The following SLC35F3 variants were observed in gnomAD, a reference collection of about 807,000 sequenced individuals.
SLC35F3 encodes the protein solute carrier family 35 member F3.
In SLC35F3, 25 loss-of-function variants were observed where a neutral mutation model predicts 49.9. The ratio of observed to expected loss-of-function variants is 0.50; its 90% CI spans 0.37 to 0.70. SLC35F3 has a LOEUF of 0.70. Ranked by LOEUF, SLC35F3 falls within the 30% of genes least tolerant of loss-of-function variation. The pLI is 0.00. For missense variants in SLC35F3, 525 were observed against 639.8 expected, an observed-to-expected ratio of 0.82 and a Z score of 1.94; for synonymous variants, 275 against 265.4, an observed-to-expected ratio of 1.04 and a Z score of -0.35.
At chr1:234,307,592 A>G (rs1657230414) in intron 3 of SLC35F3, among the ~76,000 whole-genome samples, 1 of 152,196 alleles carries the variant, frequency 6.6e-6, no homozygotes, top group Non-Finnish European at 1.5e-5. Context: ...GCATTTTAAT[A>G]TTAAGTGGCA....
chr1:234,204,865 T>A (rs542244067), intron 2 of SLC35F3, among the ~76,000 whole-genome samples: 1 of 152,382 alleles, frequency 6.6e-6, no homozygotes, highest in South Asian at 2.1e-4. Context: ...AGGAACAGGC[T>A]TTGCCTTAAG....
intron 2 of SLC35F3, among the ~76,000 whole-genome samples, chr1:233,953,441 T>C (rs1408214558): frequency 6.6e-6 from 1 of 152,240 alleles, no homozygotes; most frequent in East Asian, 1.9e-4. Flanking sequence ...AACACATCAG[T>C]AATGATTGTG....
rs1401095819 is a variant in SLC35F3, at chr1:234,025,095, T to A, written c.283+119337T>A. Reference sequence around the variant, plus strand: ...ATTTGATTTTCCACTCCTGGATTAATTCACTTAGGATAATGGCCTCCGGCC... The same window carrying A: ...ATTTGATTTTCCACTCCTGGATTAAATCACTTAGGATAATGGCCTCCGGCC... On this transcript the variant is annotated intron_variant, in intron 2 of 7. Coordinates refer to ENST00000366618, the MANE Select transcript of SLC35F3 (RefSeq NM_173508.4). Among the ~76,000 whole-genome samples the A allele has an allele frequency of 2.0e-5, 3 of 152,378 alleles. No individual in the cohort carries two copies. In the East Asian group the frequency reaches 5.8e-4, roughly 29 times the overall value.
At chr1:233,961,653 A>G (rs1260916319) in intron 2 of SLC35F3, among the ~76,000 whole-genome samples, 1 of 151,812 alleles carries the variant, frequency 6.6e-6, no homozygotes, top group African/African-American at 2.4e-5. Flanking sequence ...ATGGGGTTTC[A>G]CCATGTTGGC....
At position 234,177,201 on chromosome 1, in the gene SLC35F3, A is replaced by G. The variant is rs527679665; in HGVS notation, c.284-54216A>G. On this transcript the variant is annotated intron_variant, in intron 2 of 7. Transcript: ENST00000366618. ...CTTTGCCTGCTGCCATCCATGTAAG[A>G]TGTGACTTGCTCCTCCTTGCCTTCC... Among the ~76,000 whole-genome samples, 5 of 152,228 alleles carry G rather than the reference A, an allele frequency of 3.3e-5. No homozygotes were observed. The South Asian group carries it at 1.0e-3, about 32-fold the overall frequency.
chr1:234,275,807 C>T (rs1204742215), intron 3 of SLC35F3, among the ~76,000 whole-genome samples: 1 of 151,052 alleles, frequency 6.6e-6, no homozygotes, highest in Non-Finnish European at 1.5e-5. Flanking sequence ...GCTGCTGCTG[C>T]TGCTAGCTAA....
At chr1:234,060,101 C>T (rs1402797475) in intron 2 of SLC35F3, among the ~76,000 whole-genome samples, 2 of 152,312 alleles carry the variant, frequency 1.3e-5, no homozygotes, top group East Asian at 1.9e-4. Flanking sequence ...ACAAAACATA[C>T]TTAATGTTAT....
At chr1:234,314,099 G>C (rs1267094818) in intron 4 of SLC35F3, among the ~76,000 whole-genome samples, 2 of 152,190 alleles carry the variant, frequency 1.3e-5, no homozygotes, top group Non-Finnish European at 2.9e-5. Context: ...TCAACACTGT[G>C]CCTTGTGGGC....
At chr1:234,099,807 AGAAT>A (rs1444235728) in intron 2 of SLC35F3, among the ~76,000 whole-genome samples, 1 of 152,154 alleles carries the variant, frequency 6.6e-6, no homozygotes, top group Non-Finnish European at 1.5e-5. Context: ...CTAGTGGAGA[AGAAT>A]GAAAGATTGT....
intron 2 of SLC35F3, among the ~76,000 whole-genome samples, chr1:233,999,615 C>G (rs1159795315): frequency 6.6e-6 from 1 of 152,110 alleles, no homozygotes. Context: ...AGTGCCTCCA[C>G]TTATCCCTTC....
intron 2 of SLC35F3, among the ~76,000 whole-genome samples, chr1:234,208,505 C>T (rs1422826822): frequency 2.6e-5 from 4 of 152,174 alleles, no homozygotes; most frequent in Non-Finnish European, 5.9e-5. Flanking sequence ...TGTCTGCTTT[C>T]TCATTCTAAA....
chr1:233,957,606 G>C lies in SLC35F3; in HGVS notation c.283+51848G>C, dbSNP rs936391486. Among the ~76,000 whole-genome samples the C allele has an allele frequency of 6.6e-6, 1 of 152,092 alleles. No individual in the cohort carries two copies. The highest frequency in any genetic ancestry group is 2.4e-5 in the African/African-American group (1 of 41,404). ...GAGGCAGGTGGATCACCTGAAGTCAGGAGTTCGAGACCAGCCTGGCCAACA... is the reference window on the plus strand; with the variant it reads ...GAGGCAGGTGGATCACCTGAAGTCACGAGTTCGAGACCAGCCTGGCCAACA... On this transcript the variant is annotated intron_variant, in intron 2 of 7. Transcript: ENST00000366618. This position sits in a 1 kb window ranked among gnomAD's most constrained non-coding sequence, Gnocchi z 4.0.
At chr1:234,236,630 C>T in intron 3 of SLC35F3, among the ~76,000 whole-genome samples, 1 of 151,960 alleles carries the variant, frequency 6.6e-6, no homozygotes, top group African/African-American at 2.4e-5. Flanking sequence ...AAAGAGAAGA[C>T]CCAGCAGTTA....
At chr1:233,992,033 G>A (rs1418138455) in intron 2 of SLC35F3, among the ~76,000 whole-genome samples, 2 of 152,228 alleles carry the variant, frequency 1.3e-5, no homozygotes, top group Middle Eastern at 3.4e-3. Context: ...GCGAGTAAAT[G>A]CAGGAATTTG....
chr1:233,980,073 G>A (rs549737248), intron 2 of SLC35F3, among the ~76,000 whole-genome samples: 1 of 152,350 alleles, frequency 6.6e-6, no homozygotes, highest in Admixed American at 6.5e-5. Context: ...CACTATGCGT[G>A]TTGTGTGCCA....
chr1:233,921,843 T>C (rs1445196149), intron 2 of SLC35F3, among the ~76,000 whole-genome samples: 1 of 128,816 alleles, frequency 7.8e-6, no homozygotes, highest in African/African-American at 2.9e-5. Context: ...CCCCACCCAG[T>C]GTACAAGTGT....
chr1:234,145,181 C>T (rs12085211), intron 2 of SLC35F3, among the ~76,000 whole-genome samples: 10,396 of 152,158 alleles, frequency 0.068, 583 homozygotes, highest in African/African-American at 0.14. Context: ...AAGTTTTTAC[C>T]GCACTGTCCC....
intron 2 of SLC35F3, among the ~76,000 whole-genome samples, chr1:234,086,175 T>G (rs1419694136): frequency 6.6e-6 from 1 of 152,212 alleles, no homozygotes; most frequent in African/African-American, 2.4e-5. Context: ...AGGACCTGGA[T>G]GTACCCCTGT....
chr1:234,139,616 A>G (rs1365350287), intron 2 of SLC35F3, among the ~76,000 whole-genome samples: 1 of 152,098 alleles, frequency 6.6e-6, no homozygotes, highest in Non-Finnish European at 1.5e-5. Context: ...GCCCGTGGTC[A>G]AGTGCGGTCA....
Sources: allele counts gnomAD v4.1 joint callset (sites outside exome capture counted in the v4.1 genomes callset), GRCh38; gene constraint gnomAD v4.1.1; non-coding constraint Gnocchi (gnomAD v3.1); transcripts MANE v1.5; gene names NCBI Gene and HGNC (gene_info 2026-07-23, HGNC 2026-07-21).